Variants in ARMC9 observed in about 807,000 individuals in gnomAD.
The protein encoded by ARMC9 is armadillo repeat containing 9, also known as lisH domain-containing protein ARMC9.
ARMC9 carries 94 observed loss-of-function variants against 107.0 expected under a neutral mutation model. That is an observed-to-expected ratio of 0.88 (90% CI 0.74 to 1.04). ARMC9 has a LOEUF of 1.04. Among genes scored for constraint, ARMC9 ranks in the 50% least tolerant of loss-of-function variants. ARMC9 has a pLI of 0.00. For synonymous variants in ARMC9, 380 were observed against 396.9 expected (o/e 0.96, Z 0.51); for missense variants, 942 against 1,030.1 (o/e 0.91, Z 1.17).
chr2:231,247,339 C>A (rs115561605), intron 9 of ARMC9, among the ~76,000 whole-genome samples: 1,760 of 152,300 alleles, frequency 0.012, 17 homozygotes, highest in Middle Eastern at 0.031. Flanking sequence ...GGACATGTGG[C>A]TCTTATAAGG....
chr2:231,337,290 A>ATATTTTTTT (rs1343774735), intron 20 of ARMC9, among the ~76,000 whole-genome samples: 5 of 38,018 alleles, frequency 1.3e-4, no homozygotes, highest in Non-Finnish European at 2.2e-4. Context: ...ATATATATAT[A>ATATTTTTTT]TTTTTTTTTT....
At chr2:231,327,834 G>A (rs995751257) in intron 19 of ARMC9, among the ~76,000 whole-genome samples, 1 of 152,108 alleles carries the variant, frequency 6.6e-6, no homozygotes, top group Non-Finnish European at 1.5e-5. Context: ...ACCCAGGCTG[G>A]AGTGCGGTGG....
chr2:231,336,367 T>G (rs1201426766), intron 20 of ARMC9, among the ~76,000 whole-genome samples: 1 of 152,148 alleles, frequency 6.6e-6, no homozygotes, highest in Admixed American at 6.5e-5. Context: ...CATCTTCCAC[T>G]AGTATCTGCA....
chr2:231,355,371 G>A (rs371976064), intron 21 of ARMC9, among the ~76,000 whole-genome samples: 7 of 152,266 alleles, frequency 4.6e-5, no homozygotes, highest in Middle Eastern at 3.4e-3. Context: ...CTGCAGTCTC[G>A]TTCTTGGCCA....
At chr2:231,273,702 A>G (rs2039527831) in intron 14 of ARMC9, among the ~76,000 whole-genome samples, 1 of 152,142 alleles carries the variant, frequency 6.6e-6, no homozygotes, top group Non-Finnish European at 1.5e-5. Context: ...GGCGTGAGTC[A>G]CCGCACCCGG....
intron 6 of ARMC9, among the ~76,000 whole-genome samples, chr2:231,223,997 C>G (rs1035692222): frequency 6.8e-6 from 1 of 148,102 alleles, no homozygotes; most frequent in African/African-American, 2.5e-5. Context: ...TTTTTTTTTT[C>G]TTGATACTGC....
intron 19 of ARMC9, among the ~76,000 whole-genome samples, chr2:231,314,325 G>A (rs539118974): frequency 1.1e-4 from 16 of 151,902 alleles, no homozygotes; most frequent in Non-Finnish European, 1.6e-4. Flanking sequence ...CTGATCCGCC[G>A]CCTTGGCCTC....
At chr2:231,291,261 T>G in intron 17 of ARMC9, 92 bp from the exon 18 acceptor site, 1 of 1,016,638 alleles carries the variant, frequency 9.8e-7, no homozygotes, top group Non-Finnish European at 1.5e-6. Flanking sequence ...CCCCAAAACA[T>G]TATTTTTTGG....
chr2:231,296,301 T>G (rs763354307), intron 19 of ARMC9, 48 bp downstream of exon 19: 4 of 1,457,990 alleles, frequency 2.7e-6, no homozygotes, highest in Non-Finnish European at 3.8e-6. Context: ...TACCAAACTA[T>G]TCTCTCTTTC....
In ARMC9 at chr2:231,206,280, A is replaced by G; in HGVS notation, c.42A>G (p.Leu14=). The change falls in exon 2 of 25, where the codon CTA becomes CTG. Residue 14 remains leucine, a synonymous_variant. Coordinates refer to ENST00000611582, the MANE Select transcript of ARMC9 (RefSeq NM_001352754.2). Reference sequence around the variant, plus strand: ...CTCATGAATCTGAATTACTTGGACTAGTGAAAGAGGTAGGTATATTATACA... The same window carrying G: ...CTCATGAATCTGAATTACTTGGACTGGTGAAAGAGGTAGGTATATTATACA... ...ILAHESELLG[L]VKEYLDFAEF... 6.2e-7 allele frequency: 1 copy of G among 1,613,370 alleles called. No individual in the cohort carries two copies. The highest frequency in any genetic ancestry group is 8.5e-7 in the Non-Finnish European group (1 of 1,179,288).
chr2:231,237,628 A>G (rs1234532401), intron 8 of ARMC9, among the ~76,000 whole-genome samples: 2 of 151,596 alleles, frequency 1.3e-5, no homozygotes, highest in African/African-American at 4.8e-5. Flanking sequence ...AACACCAAAT[A>G]GGACTAAACT....
chr2:231,283,368 C>T lies in ARMC9; in HGVS notation c.1626+1235C>T, dbSNP rs551537319. Among the ~76,000 whole-genome samples the T allele has an allele frequency of 3.3e-5, 5 of 152,290 alleles. No homozygotes were observed. The East Asian group carries it at 9.7e-4, about 29-fold the overall frequency. ...CTAAATGTTTGGAAAATAAACAGCA[C>T]ACTGGTATTAGTTATCTATTACTGC... On this transcript the variant is annotated intron_variant, in intron 17 of 24. Transcript: ENST00000611582.
chr2:231,224,201 C>T (rs556142737), intron 6 of ARMC9, among the ~76,000 whole-genome samples: 7 of 152,322 alleles, frequency 4.6e-5, no homozygotes, highest in South Asian at 4.1e-4. Context: ...AATCCCAGCA[C>T]TTTGGGAGGC....
chr2:231,210,542 C>T (rs975079527), intron 3 of ARMC9, among the ~76,000 whole-genome samples: 21 of 152,228 alleles, frequency 1.4e-4, no homozygotes, highest in Non-Finnish European at 1.0e-4. Flanking sequence ...CAATACCTAA[C>T]TAGCAGAACA....
chr2:231,282,122 G>A lies in ARMC9; in HGVS notation c.1615G>A (p.Ala539Thr). 18 of 1,614,142 alleles carry A rather than the reference G, an allele frequency of 1.1e-5. No individual in the cohort carries two copies. Among genetic ancestry groups the A allele is most frequent in the Non-Finnish European group, 1.5e-5 (18 of 1,180,000 alleles). Reference protein sequence around the residue: ...ILSVPSIREEARAMGMEDILR... With the variant: ...ILSVPSIREETRAMGMEDILR... ...TTCTGTTCCATCCATTCGTGAGGAA[G>A]CAAGAGCAATGGTAAGAAAGCGTGC... Residue 539 changes from alanine (A) to threonine (T), a missense_variant, in exon 17 of 25, where the codon GCA becomes ACA. Coordinates refer to ENST00000611582, the MANE Select transcript of ARMC9 (RefSeq NM_001352754.2).
At chr2:231,215,520 G>T (rs2033403084) in intron 4 of ARMC9, among the ~76,000 whole-genome samples, 1 of 152,218 alleles carries the variant, frequency 6.6e-6, no homozygotes, top group African/African-American at 2.4e-5. Context: ...TAGTGGAAAA[G>T]AGTACGTCTC....
At chr2:231,328,814 C>CTTTTTTTTTTTTTTTTTTTTTTT (rs1341987081) in intron 19 of ARMC9, among the ~76,000 whole-genome samples, 1,769 of 126,850 alleles carry the variant, frequency 0.014, 283 homozygotes, top group Non-Finnish European at 0.021. Flanking sequence ...CTTTTCTTTT[C>CTTTTTTTTTTTTTTTTTTTTTTT]TTTTCTTTTT....
chr2:231,218,564 G>C (rs2033778766), intron 5 of ARMC9, among the ~76,000 whole-genome samples: 1 of 152,178 alleles, frequency 6.6e-6, no homozygotes. Flanking sequence ...AGAGGCTGCA[G>C]CTGGCAGCTT....
intron 20 of ARMC9, among the ~76,000 whole-genome samples, chr2:231,333,176 T>G (rs1421523086): frequency 6.6e-6 from 1 of 152,144 alleles, no homozygotes; most frequent in Non-Finnish European, 1.5e-5. Context: ...AGTGCAGTGC[T>G]TGGTGGTGGG....
Sources: allele counts gnomAD v4.1 joint callset (sites outside exome capture counted in the v4.1 genomes callset), GRCh38; gene constraint gnomAD v4.1.1; transcripts MANE v1.5; gene names NCBI Gene and HGNC (gene_info 2026-07-23, HGNC 2026-07-21).